Variants in CDKN2B-AS1 observed in about 807,000 individuals in gnomAD.
CDKN2B-AS1 encodes CDKN2B antisense RNA 1 (non-protein coding).
rs927548729 is a variant in CDKN2B-AS1, at chr9:21,995,210, C to T, written n.29+49C>T. The T allele has an allele frequency of 1.3e-5, 2 of 152,258 alleles. No individual in the cohort carries two copies. Among genetic ancestry groups the T allele is most frequent in the African/African-American group, 4.8e-5 (2 of 41,474 alleles). 9.4% of individuals were successfully genotyped at this position (152,258 alleles called of 1,614,324 possible). ...TCCCAGCTGGGTCCGGGCGCCCATT[C>T]CCCTCCCAGCTGCCCGCGTCGCCGA... On this transcript the variant is annotated intron_variant and non_coding_transcript_variant, in intron 1 of 4. Coordinates refer to ENST00000650946, the Ensembl canonical transcript of CDKN2B-AS1. This position sits in a 1 kb window ranked among gnomAD's most constrained non-coding sequence, Gnocchi z 5.7.
chr9:22,096,481 A>G (rs1825278249), intron 4 of CDKN2B-AS1: 1 of 152,212 alleles, frequency 6.6e-6, no homozygotes, highest in East Asian at 1.9e-4. Context: ...GGAAGGTGCT[A>G]TGGACACAGT....
intron 4 of CDKN2B-AS1, among the ~76,000 whole-genome samples, chr9:22,095,251 CG>C (rs1171979276): frequency 1.4e-5 from 2 of 144,776 alleles, no homozygotes; most frequent in Non-Finnish European, 2.9e-5. Context: ...TTAGGCTACT[CG>C]GGGGTCAGGG....
chr9:22,114,643 C>T (rs543059508), intron 4 of CDKN2B-AS1, among the ~76,000 whole-genome samples: 2 of 152,344 alleles, frequency 1.3e-5, no homozygotes, highest in East Asian at 1.9e-4. Flanking sequence ...TGCTTTAGTA[C>T]ATCTGCTGTG....
intron 4 of CDKN2B-AS1, among the ~76,000 whole-genome samples, chr9:22,085,367 T>G (rs1824831848): frequency 6.6e-6 from 1 of 152,112 alleles, no homozygotes; most frequent in Non-Finnish European, 1.5e-5. Flanking sequence ...TGCCTGTTTA[T>G]CCCAAGGACC....
chr9:22,049,862 A>C, intron 3 of CDKN2B-AS1, among the ~76,000 whole-genome samples: 1 of 150,528 alleles, frequency 6.6e-6, no homozygotes, highest in Non-Finnish European at 1.5e-5. Flanking sequence ...AACATTTAAT[A>C]ATTAGTAGCT....
chr9:22,120,368 A>G (rs568480721), intron 4 of CDKN2B-AS1: 1 of 152,352 alleles, frequency 6.6e-6, no homozygotes, highest in Admixed American at 6.5e-5. Context: ...GGCTGAGAGC[A>G]TGGGAGATAC....
Position 22,005,113 on chromosome 9 carries a change from TG to T in CDKN2B-AS1, n.29+9953del, listed in dbSNP as rs1417062591. The T allele has an allele frequency of 1.8e-5, 1 of 55,328 alleles. No individual in the cohort carries two copies. Among genetic ancestry groups the T allele is most frequent in the Non-Finnish European group, 3.2e-5 (1 of 30,964 alleles). 3.4% of individuals were successfully genotyped at this position (55,328 alleles called of 1,614,324 possible). A position where few individuals can be genotyped will look rare whatever the true frequency, so the allele number is the denominator to read the frequency against. On this transcript the variant is annotated intron_variant and non_coding_transcript_variant, in intron 1 of 4. Transcript: ENST00000650946. The surrounding 1 kb of genome is among the most constrained non-coding windows in gnomAD (Gnocchi z 4.9). ...ATAAGGGGATTTCCGCATCCTAGCA[TG>T]TGTGTGTGTGTGTGTGTGTGTGTGT... is the stretch of plus-strand genomic sequence containing the variant.
intron 4 of CDKN2B-AS1, among the ~76,000 whole-genome samples, chr9:22,091,806 C>T (rs1372791151): frequency 1.3e-5 from 2 of 152,142 alleles, no homozygotes; most frequent in African/African-American, 4.8e-5. Flanking sequence ...TAATTGAATA[C>T]TATTTATTTC....
chr9:22,122,092 A>T (rs542419040), intron 4 of CDKN2B-AS1, among the ~76,000 whole-genome samples: 3 of 149,942 alleles, frequency 2.0e-5, no homozygotes, highest in Non-Finnish European at 4.4e-5. Flanking sequence ...GACAATAGTC[A>T]TCCTAACTGG....
rs1820862174 is a variant in CDKN2B-AS1 at position 22,000,220 on chromosome 9, T to A, written n.29+5059T>A. On this transcript the variant is annotated intron_variant and non_coding_transcript_variant, in intron 1 of 4. Transcript: ENST00000650946. This position sits in a 1 kb window ranked among gnomAD's most constrained non-coding sequence, Gnocchi z 4.1. ...GAGCCAGGATTGAGAAACAATTTTCTGAAATGGAAGGGGTTTTAAACTTGT... is the reference window on the plus strand; with the variant it reads ...GAGCCAGGATTGAGAAACAATTTTCAGAAATGGAAGGGGTTTTAAACTTGT... 6.6e-6 allele frequency among the ~76,000 whole-genome samples: 1 copy of A among 152,146 alleles called. No individual in the cohort carries two copies. The highest frequency in any genetic ancestry group is 2.4e-5 in the African/African-American group (1 of 41,456).
chr9:22,064,458 G>T (rs1196325847), intron 4 of CDKN2B-AS1, among the ~76,000 whole-genome samples: 1 of 152,134 alleles, frequency 6.6e-6, no homozygotes, highest in Non-Finnish European at 1.5e-5. Context: ...GGTATGAAAA[G>T]AGGAGAAACC....
intron 4 of CDKN2B-AS1, among the ~76,000 whole-genome samples, chr9:22,082,009 C>A (rs1661397349): frequency 6.6e-6 from 1 of 152,188 alleles, no homozygotes; most frequent in Non-Finnish European, 1.5e-5. Context: ...AGTTTTACTC[C>A]CTGATAAAGG....
intron 1 of CDKN2B-AS1, among the ~76,000 whole-genome samples, chr9:22,015,172 G>A (rs1264772394): frequency 6.6e-6 from 1 of 152,052 alleles, no homozygotes; most frequent in African/African-American, 2.4e-5. Context: ...CTAGATCCCT[G>A]AGAAATCGCC....
intron 1 of CDKN2B-AS1, among the ~76,000 whole-genome samples, chr9:22,016,276 C>T (rs907145237): frequency 5.3e-5 from 8 of 152,090 alleles, no homozygotes; most frequent in African/African-American, 1.9e-4. Flanking sequence ...AACTACAAAC[C>T]ACTGCTCAAT....
At chr9:22,117,264 G>T (rs1488240410) in intron 4 of CDKN2B-AS1, among the ~76,000 whole-genome samples, 1 of 152,102 alleles carries the variant, frequency 6.6e-6, no homozygotes, top group Non-Finnish European at 1.5e-5. Context: ...TAACCTACTT[G>T]TGTGCAAAAT....
chr9:22,010,449 G>C (rs1031016945), intron 1 of CDKN2B-AS1, among the ~76,000 whole-genome samples: 3 of 152,196 alleles, frequency 2.0e-5, no homozygotes, highest in African/African-American at 4.8e-5. Flanking sequence ...TCGGAGTGCT[G>C]AGGAAGACAA....
intron 4 of CDKN2B-AS1, among the ~76,000 whole-genome samples, chr9:22,069,754 A>G (rs1392877219): frequency 1.3e-5 from 2 of 152,208 alleles, no homozygotes; most frequent in Non-Finnish European, 2.9e-5. Flanking sequence ...ATAGAATGCT[A>G]GAATTTATTC....
intron 1 of CDKN2B-AS1, among the ~76,000 whole-genome samples, chr9:22,010,096 AT>A (rs1279725626): frequency 6.6e-6 from 1 of 152,134 alleles, no homozygotes; most frequent in Non-Finnish European, 1.5e-5. Flanking sequence ...CAGGTATCTT[AT>A]TTTTATTTAT....
chr9:22,115,393 A>T (rs1422274777), intron 4 of CDKN2B-AS1, among the ~76,000 whole-genome samples: 1 of 152,208 alleles, frequency 6.6e-6, no homozygotes, highest in Non-Finnish European at 1.5e-5. Context: ...GAAAACTGCG[A>T]TATATGATCA....
Sources: gnomAD v4.1 joint callset for allele counts (sites outside exome capture counted in the v4.1 genomes callset) on GRCh38, gnomAD v4.1.1 for gene constraint, Gnocchi (gnomAD v3.1) non-coding constraint, MANE v1.5 for transcripts, NCBI Gene and HGNC (gene_info 2026-07-23, HGNC 2026-07-21) for gene names.